SEMA3D: variants seen among roughly 807,000 people sequenced by gnomAD.
SEMA3D encodes semaphorin-3D.
SEMA3D carries 84 observed loss-of-function variants against 100.1 expected under a neutral mutation model. That is an observed-to-expected ratio of 0.84 (90% CI 0.70 to 1.01). The LOEUF is 1.01. SEMA3D is among the 50% of genes least tolerant of loss of function. SEMA3D has a pLI of 0.00. For missense variants in SEMA3D, 875 were observed against 934.1 expected, an observed-to-expected ratio of 0.94 and a Z score of 0.82; for synonymous variants, 312 against 320.7, an observed-to-expected ratio of 0.97 and a Z score of 0.29.
At chr7:85,058,540 G>A (rs1265626116) in intron 8 of SEMA3D, among the ~76,000 whole-genome samples, 1 of 152,032 alleles carries the variant, frequency 6.6e-6, no homozygotes, top group African/African-American at 2.4e-5. Flanking sequence ...GAGGTAAAGA[G>A]ATAGAGACCA....
chr7:85,168,857 GAA>G (rs762746233), intron 1 of SEMA3D, among the ~76,000 whole-genome samples: 2 of 132,422 alleles, frequency 1.5e-5, no homozygotes, highest in Admixed American at 1.5e-4. Flanking sequence ...AAGAAAGAAA[GAA>G]AGAAAGAAAG....
chr7:85,056,411 T>A (rs969904510), intron 8 of SEMA3D, among the ~76,000 whole-genome samples: 9 of 151,968 alleles, frequency 5.9e-5, no homozygotes, highest in Admixed American at 2.0e-4. Flanking sequence ...CTTTGACACA[T>A]TATTTATCTT....
At chr7:85,134,461 A>T (rs1010601571) in intron 2 of SEMA3D, among the ~76,000 whole-genome samples, 1 of 152,042 alleles carries the variant, frequency 6.6e-6, no homozygotes, top group African/African-American at 2.4e-5. Flanking sequence ...TATTCAAAAC[A>T]TGAGTTGTTA....
chr7:85,154,291 G>C (rs982345722), intron 1 of SEMA3D, among the ~76,000 whole-genome samples: 11 of 151,976 alleles, frequency 7.2e-5, no homozygotes, highest in African/African-American at 2.2e-4. Flanking sequence ...ATTTGTCAAA[G>C]CTCAGTTATT....
intron 17 of SEMA3D, 56 bp downstream of exon 17, chr7:85,012,726 A>C: frequency 7.6e-7 from 1 of 1,308,662 alleles, no homozygotes. Flanking sequence ...AAAAAGATAC[A>C]AAGAGTGGGC....
upstream of SEMA3D, among the ~76,000 whole-genome samples, chr7:85,191,346 A>C (rs1482158191): frequency 1.3e-5 from 2 of 151,872 alleles, no homozygotes; most frequent in Non-Finnish European, 2.9e-5. Context: ...ACAATCCCCA[A>C]GGAAGGATTT....
chr7:85,023,609 G>A (rs184964144), intron 12 of SEMA3D, among the ~76,000 whole-genome samples: 23 of 151,838 alleles, frequency 1.5e-4, no homozygotes, highest in Non-Finnish European at 2.8e-4. Flanking sequence ...TCAGTTTTTA[G>A]AGAAGTTGGA....
chr7:85,042,293 GA>G lies in SEMA3D; in HGVS notation c.862-9del, dbSNP rs144281862. 4,532 of 1,366,974 alleles carry G rather than the reference GA, an allele frequency of 3.3e-3. No homozygotes were observed. Among genetic ancestry groups the G allele is most frequent in the South Asian group, 4.5e-3 (327 of 72,646 alleles). 84.7% of individuals were successfully genotyped at this position (1,366,974 alleles called of 1,614,324 possible). ...TTGTCCTCCTACATCATTCTGACAT[GA>G]AAAAAAAAATAAAGATAAATATTTA... On this transcript the variant is annotated splice_polypyrimidine_tract_variant and intron_variant, in intron 9 of 18. Transcript: ENST00000284136.
chr7:85,062,456 ATAGAT>A (rs1189170878), intron 8 of SEMA3D, among the ~76,000 whole-genome samples: 16 of 152,194 alleles, frequency 1.1e-4, no homozygotes, highest in Non-Finnish European at 2.2e-4. Flanking sequence ...GCTCTTAGAA[ATAGAT>A]TAGATAAAGG....
At chr7:85,156,117 T>C (rs1181481200) in intron 1 of SEMA3D, among the ~76,000 whole-genome samples, 1 of 151,748 alleles carries the variant, frequency 6.6e-6, no homozygotes, top group Non-Finnish European at 1.5e-5. Flanking sequence ...TTTTTTTTTT[T>C]TTTGAGATGG....
chr7:85,103,829 C>A (rs866520860), intron 3 of SEMA3D, among the ~76,000 whole-genome samples: 1 of 151,854 alleles, frequency 6.6e-6, no homozygotes, highest in Non-Finnish European at 1.5e-5. Flanking sequence ...ATATAGAAAT[C>A]ATTGCATATT....
In SEMA3D at chr7:84,996,268, G is replaced by A. The variant is rs1307844537; in HGVS notation, c.*3172C>T. ...AATAACTTATTGTTTAGCTGAGTCTGTAAAATTCAGCAGGAACAAAACATA... is the reference window on the plus strand; with the variant it reads ...AATAACTTATTGTTTAGCTGAGTCTATAAAATTCAGCAGGAACAAAACATA... On this transcript the variant is annotated 3_prime_UTR_variant, in exon 19 of 19. Coordinates refer to ENST00000284136, the MANE Select transcript of SEMA3D (RefSeq NM_001384900.1). The A allele has an allele frequency of 6.6e-6, 1 of 151,968 alleles. No individual in the cohort carries two copies. The highest frequency in any genetic ancestry group is 2.4e-5 in the African/African-American group (1 of 41,420). 9.4% of individuals were successfully genotyped at this position (151,968 alleles called of 1,614,324 possible).
intron 4 of SEMA3D, among the ~76,000 whole-genome samples, chr7:85,092,986 G>A (rs1461317675): frequency 6.6e-6 from 1 of 151,966 alleles, no homozygotes; most frequent in Non-Finnish European, 1.5e-5. Flanking sequence ...GCTATCTACT[G>A]AAAGAAAAAT....
At chr7:85,120,468 G>A (rs537979698) in intron 3 of SEMA3D, among the ~76,000 whole-genome samples, 6 of 152,042 alleles carry the variant, frequency 3.9e-5, no homozygotes, top group African/African-American at 1.4e-4. Context: ...AGGGGTTTGA[G>A]ACCAGCCTGG....
chr7:85,032,791 A>C (rs1790582226), intron 12 of SEMA3D, among the ~76,000 whole-genome samples: 1 of 152,122 alleles, frequency 6.6e-6, no homozygotes, highest in South Asian at 2.1e-4. Flanking sequence ...AAATTTTGAC[A>C]GTAACTGGCA....
the SEMA3D span, among the ~76,000 whole-genome samples, chr7:85,193,135 C>G: frequency 6.6e-6 from 1 of 152,120 alleles, no homozygotes; most frequent in Admixed American, 6.6e-5. Flanking sequence ...GAAATAAGCT[C>G]ATGGGGCAAA....
chr7:85,016,643 A>G (rs1429699046), intron 15 of SEMA3D, among the ~76,000 whole-genome samples: 1 of 151,584 alleles, frequency 6.6e-6, no homozygotes, highest in Admixed American at 6.6e-5. Flanking sequence ...TTTGTTTTCC[A>G]ACAACCCCCA....
the SEMA3D span, among the ~76,000 whole-genome samples, chr7:85,239,278 T>G: frequency 1.3e-5 from 2 of 152,138 alleles, no homozygotes; most frequent in Admixed American, 1.3e-4. Context: ...GATTAAGTTG[T>G]AATGTCTCCA....
chr7:85,084,300 T>C (rs910573389), intron 4 of SEMA3D, among the ~76,000 whole-genome samples: 1 of 152,196 alleles, frequency 6.6e-6, no homozygotes, highest in Non-Finnish European at 1.5e-5. Flanking sequence ...AACATAAAAT[T>C]TACCATTTTA....
Sources: allele counts gnomAD v4.1 joint callset (sites outside exome capture counted in the v4.1 genomes callset), GRCh38; gene constraint gnomAD v4.1.1; transcripts MANE v1.5; gene names NCBI Gene and HGNC (gene_info 2026-07-23, HGNC 2026-07-21).